UBE2W: variants seen among roughly 807,000 people sequenced by gnomAD.
The protein encoded by UBE2W is ubiquitin-conjugating enzyme E2 W.
UBE2W carries 18 observed loss-of-function variants against 27.2 expected under a neutral mutation model. The ratio of observed to expected loss-of-function variants is 0.66; its 90% CI spans 0.46 to 0.98. The LOEUF (loss-of-function observed/expected upper bound fraction) is 0.98, where lower values mean the gene tolerates loss of function less well. UBE2W is among the 50% of genes least tolerant of loss of function. UBE2W has a pLI of 0.00. For synonymous variants in UBE2W, 53 were observed against 57.2 expected (o/e 0.93, Z 0.33); for missense variants, 90 against 180.2 (o/e 0.50, Z 2.87).
intron 4 of UBE2W, among the ~76,000 whole-genome samples, chr8:73,808,962 A>C (rs761628612): frequency 6.6e-6 from 1 of 152,230 alleles, no homozygotes; most frequent in Non-Finnish European, 1.5e-5. Context: ...CATGAGGCAC[A>C]TGCAAGACTA....
intron 5 of UBE2W, among the ~76,000 whole-genome samples, chr8:73,798,954 T>A (rs1447447764): frequency 6.6e-6 from 1 of 152,036 alleles, no homozygotes; most frequent in South Asian, 2.1e-4. Context: ...CTATTCTCCC[T>A]GCTCAATGGA....
chr8:73,864,494 A>G (rs1811661136), intron 1 of UBE2W, among the ~76,000 whole-genome samples: 1 of 152,186 alleles, frequency 6.6e-6, no homozygotes, highest in South Asian at 2.1e-4. Flanking sequence ...TGGTTAGAGG[A>G]AATACAGGGT....
chr8:73,805,472 C>CAACAAAAAAAAAAAAAACAAAAAAAA (rs1554579997), intron 5 of UBE2W, among the ~76,000 whole-genome samples, 179 bp downstream of exon 5: 1 of 43,676 alleles, frequency 2.3e-5, no homozygotes, highest in Admixed American at 3.9e-4. Context: ...AAAAAAAAAA[C>CAACAAAAAAAAAAAAAACAAAAAAAA]AAAAAAAACT....
intron 1 of UBE2W, among the ~76,000 whole-genome samples, chr8:73,835,458 T>G (rs1302062325): frequency 6.6e-6 from 1 of 152,164 alleles, no homozygotes; most frequent in African/African-American, 2.4e-5. Flanking sequence ...CTATGGTTTC[T>G]GTGGCCGGGT....
chr8:73,795,154 C>T (rs1808361515), intron 5 of UBE2W, among the ~76,000 whole-genome samples: 1 of 117,018 alleles, frequency 8.5e-6, no homozygotes. Context: ...ATTCTGAAAT[C>T]CTAGTCAAAA....
chr8:73,789,258 C>T lies in UBE2W; in HGVS notation c.*4844G>A. The stretch of plus-strand genomic sequence containing the variant: ...GGCTGAGGCAGGAGGAATGCTTGAG[C>T]CCAGGAATTCAAGATCAGCCTGGGC... On this transcript the variant is annotated 3_prime_UTR_variant, in exon 6 of 6. Coordinates refer to ENST00000602593, the MANE Select transcript of UBE2W (RefSeq NM_018299.6). 1.2e-6 allele frequency: 1 copy of T among 824,350 alleles called. No individual in the cohort carries two copies. Among genetic ancestry groups the T allele is most frequent in the Non-Finnish European group, 1.4e-6 (1 of 699,646 alleles). The allele number at this position is 824,350 out of a possible 1,614,324, so 51.1% of individuals were successfully genotyped here.
chr8:73,840,068 T>TC (rs1176239254), intron 1 of UBE2W, among the ~76,000 whole-genome samples: 3 of 149,884 alleles, frequency 2.0e-5, no homozygotes, highest in Non-Finnish European at 4.4e-5. Context: ...TTCTTTTTTT[T>TC]CCCCCCAAGA....
In UBE2W at chr8:73,786,243, A is replaced by G; in HGVS notation, c.*7859T>C. ...ATGAAGAATGATTAATGATTTATTT[A>G]AAAGTAGTTTTCTCAAACTCTCTGG... is the stretch of plus-strand genomic sequence containing the variant. On this transcript the variant is annotated 3_prime_UTR_variant, in exon 6 of 6. Coordinates refer to ENST00000602593, the MANE Select transcript of UBE2W (RefSeq NM_018299.6). 2.0e-6 allele frequency: 2 copies of G among 985,460 alleles called. No individual in the cohort carries two copies. The highest frequency in any genetic ancestry group is 2.4e-6 in the Non-Finnish European group (2 of 829,922). The allele number at this position is 985,460 out of a possible 1,614,324, so 61.0% of individuals were successfully genotyped here.
At chr8:73,818,605 A>G (rs1563589527) in intron 3 of UBE2W, among the ~76,000 whole-genome samples, 1 of 152,158 alleles carries the variant, frequency 6.6e-6, no homozygotes, top group African/African-American at 2.4e-5. Flanking sequence ...TACAGTTTGG[A>G]TGTTTGTCCC....
rs866381974 is a variant in UBE2W, at chr8:73,786,869, T to C, written c.*7233A>G. ...TAAGTTGGATGGGAATGTCATTAAA[T>C]TATAACAGGATAAAAGAAATATGTT... On this transcript the variant is annotated 3_prime_UTR_variant, in exon 6 of 6. Transcript: ENST00000602593. 20 of 985,388 alleles carry C rather than the reference T, an allele frequency of 2.0e-5. No individual in the cohort carries two copies. The Middle Eastern group carries it at 2.1e-3, about 103-fold the overall frequency. 61.0% of individuals were successfully genotyped at this position (985,388 alleles called of 1,614,324 possible). A position where few individuals can be genotyped will look rare whatever the true frequency, so the allele number is the denominator to read the frequency against.
intron 3 of UBE2W, among the ~76,000 whole-genome samples, chr8:73,823,350 T>C (rs1322577635): frequency 6.6e-6 from 1 of 152,230 alleles, no homozygotes; most frequent in African/African-American, 2.4e-5. Flanking sequence ...GAACACATTT[T>C]TGACTTGGTT....
At chr8:73,843,295 G>A (rs561656161) in intron 1 of UBE2W, among the ~76,000 whole-genome samples, 3 of 152,244 alleles carry the variant, frequency 2.0e-5, no homozygotes, top group African/African-American at 7.2e-5. Context: ...AAATTATCGA[G>A]TGTAGAAATG....
chr8:73,842,988 G>A (rs992834218), intron 1 of UBE2W, among the ~76,000 whole-genome samples: 2 of 151,988 alleles, frequency 1.3e-5, no homozygotes, highest in East Asian at 1.9e-4. Flanking sequence ...ATTTTATTTC[G>A]CCTTCAAAAA....
At chr8:73,823,187 A>G (rs1586480626) in intron 3 of UBE2W, among the ~76,000 whole-genome samples, 1 of 152,322 alleles carries the variant, frequency 6.6e-6, no homozygotes, top group Non-Finnish European at 1.5e-5. Context: ...GACAAATAAA[A>G]TCAGGGAAGG....
At chr8:73,805,133 G>A (rs1159687776) in intron 5 of UBE2W, among the ~76,000 whole-genome samples, 2 of 151,828 alleles carry the variant, frequency 1.3e-5, no homozygotes, top group African/African-American at 4.8e-5. Flanking sequence ...CTTTTATGAT[G>A]GCTATGATTT....
At chr8:73,825,725 C>T (rs908707106) in intron 2 of UBE2W, among the ~76,000 whole-genome samples, 6 of 152,074 alleles carry the variant, frequency 3.9e-5, no homozygotes, top group South Asian at 2.1e-4. Context: ...CGCTTGAACC[C>T]GGGAGGCAGA....
chr8:73,799,328 CTAA>C (rs1808545504), intron 5 of UBE2W, among the ~76,000 whole-genome samples: 1 of 151,932 alleles, frequency 6.6e-6, no homozygotes, highest in Non-Finnish European at 1.5e-5. Context: ...GGGATTCTAA[CTAA>C]TAATGTAGAA....
At chr8:73,846,355 C>T (rs941302141) in intron 1 of UBE2W, among the ~76,000 whole-genome samples, 1 of 152,052 alleles carries the variant, frequency 6.6e-6, no homozygotes, top group Non-Finnish European at 1.5e-5. Flanking sequence ...AATATTGCAC[C>T]ACTGCACTCC....
At chr8:73,846,278 C>G (rs943603462) in intron 1 of UBE2W, among the ~76,000 whole-genome samples, 1 of 152,020 alleles carries the variant, frequency 6.6e-6, no homozygotes, top group Non-Finnish European at 1.5e-5. Flanking sequence ...TGTCTGTAGT[C>G]CCAGCTACTC....
Sources: allele counts gnomAD v4.1 joint callset (sites outside exome capture counted in the v4.1 genomes callset), GRCh38; gene constraint gnomAD v4.1.1; transcripts MANE v1.5; gene names NCBI Gene and HGNC (gene_info 2026-07-23, HGNC 2026-07-21).